SCARB1: variants seen among roughly 807,000 people sequenced by gnomAD.
The protein encoded by SCARB1 is scavenger receptor class B member 1, also known as CD36 and LIMPII analogous 1.
SCARB1 carries 30 observed loss-of-function variants against 57.2 expected under a neutral mutation model. The ratio of observed to expected loss-of-function variants is 0.52; its 90% confidence interval spans 0.39 to 0.71. The LOEUF is 0.71. SCARB1 is among the 30% of genes least tolerant of loss of function. The pLI is 0.00. For missense variants in SCARB1, 543 were observed against 671.2 expected, an observed-to-expected ratio of 0.81 and a Z score of 2.11; for synonymous variants, 249 against 268.3, an observed-to-expected ratio of 0.93 and a Z score of 0.70.
rs533279048 is a variant in SCARB1, at chr12:124,863,315, C to T, written c.126+280G>A. Among the ~76,000 whole-genome samples, 87 of 152,284 alleles carry T rather than the reference C, an allele frequency of 5.7e-4. 1 individual carries two copies. Among genetic ancestry groups the T allele is most frequent in the South Asian group, 4.6e-3 (22 of 4,828 alleles). ...CCCAGACCCTTTAGGGCGGGTCAGG[C>T]GCCCGGGTGGTCTCCCGTCCAGGCC... On this transcript the variant is annotated intron_variant, in intron 1 of 12. Transcript: ENST00000261693.
At chr12:124,850,753 A>G (rs552556168) in intron 1 of SCARB1, among the ~76,000 whole-genome samples, 48 of 152,358 alleles carry the variant, frequency 3.2e-4, no homozygotes, top group Admixed American at 2.7e-3. Context: ...AGGCCTTGGT[A>G]AACAGAATAG....
intron 7 of SCARB1, among the ~76,000 whole-genome samples, chr12:124,801,791 A>G (rs1271347386): frequency 6.6e-6 from 1 of 152,136 alleles, no homozygotes; most frequent in Non-Finnish European, 1.5e-5. Context: ...GGTTGCAGTA[A>G]GCCAAGATTG....
In SCARB1 at chr12:124,798,148, C is replaced by T. The variant is rs145510240; in HGVS notation, c.1128+1976G>A. 1.7e-3 allele frequency among the ~76,000 whole-genome samples: 257 copies of T among 152,354 alleles called. 2 individuals carry two copies. The highest frequency in any genetic ancestry group is 5.5e-3 in the African/African-American group (229 of 41,580). On this transcript the variant is annotated intron_variant, in intron 8 of 12. Transcript: ENST00000261693. ...AAATCCAGCTGGGCGCGGCGGCTCA[C>T]GCCTGGAATCCCAGCACTTTGGGAG...
In SCARB1 at chr12:124,819,209, G is replaced by A. The variant is rs377425886; in HGVS notation, c.127-1502C>T. On this transcript the variant is annotated intron_variant, in intron 1 of 12. Transcript: ENST00000261693. Reference sequence around the variant, plus strand: ...AGACCCAAAATCAAAACAGAAGGCAGTGAGGAAGGGAGCTCACAAATCTAG... The same window carrying A: ...AGACCCAAAATCAAAACAGAAGGCAATGAGGAAGGGAGCTCACAAATCTAG... Among the ~76,000 whole-genome samples the A allele has an allele frequency of 2.6e-5, 4 of 152,148 alleles. No homozygotes were observed. The East Asian group carries it at 7.7e-4, about 29-fold the overall frequency.
At chr12:124,787,079 G>A (rs1236882935) in intron 10 of SCARB1, among the ~76,000 whole-genome samples, 3 of 152,236 alleles carry the variant, frequency 2.0e-5, no homozygotes, top group Non-Finnish European at 4.4e-5. Flanking sequence ...TAAGAGAAAA[G>A]CTGACACCTT....
chr12:124,790,009 C>CAAA (rs61031862), intron 9 of SCARB1, among the ~76,000 whole-genome samples: 1 of 106,138 alleles, frequency 9.4e-6, no homozygotes, highest in African/African-American at 3.7e-5. Flanking sequence ...GACTCCGTCT[C>CAAA]AAAAAAAAAA....
At position 124,790,698 on chromosome 12, in the gene SCARB1, A is replaced by G. The variant is rs144754960; in HGVS notation, c.1203-3241T>C. Among the ~76,000 whole-genome samples, 561 of 152,350 alleles carry G rather than the reference A, an allele frequency of 3.7e-3. 3 individuals are homozygous for G. The highest frequency in any genetic ancestry group is 0.013 in the African/African-American group (545 of 41,588). On this transcript the variant is annotated intron_variant, in intron 9 of 12. Transcript: ENST00000261693. The stretch of plus-strand genomic sequence containing the variant: ...GGTGGGCTGGCTCACCACTTGCCCC[A>G]CACAGACCCCCCCACAACAGGTGTC...
chr12:124,845,367 A>C (rs550157594), intron 1 of SCARB1, among the ~76,000 whole-genome samples: 1 of 152,268 alleles, frequency 6.6e-6, no homozygotes, highest in East Asian at 1.9e-4. Flanking sequence ...GCAGCCAGGC[A>C]CTTAAGGCCA....
At chr12:124,838,211 G>A (rs1594353229) in intron 1 of SCARB1, among the ~76,000 whole-genome samples, 1 of 152,338 alleles carries the variant, frequency 6.6e-6, no homozygotes, top group East Asian at 1.9e-4. Context: ...CCCCTGCCAG[G>A]CCAGCTTCAC....
At chr12:124,784,290 T>C (rs1949431881) in intron 11 of SCARB1, 1 of 152,250 alleles carries the variant, frequency 6.6e-6, no homozygotes, top group African/African-American at 2.4e-5. Context: ...CTCGCTGGAG[T>C]CACAGCCCTG....
Position 124,863,798 on chromosome 12 carries a change from A to C in SCARB1, c.-78T>G. The C allele has an allele frequency of 7.3e-7, 1 of 1,369,280 alleles. No individual in the cohort carries two copies. Among genetic ancestry groups the C allele is most frequent in the Non-Finnish European group, 9.4e-7 (1 of 1,065,552 alleles). The allele number at this position is 1,369,280 out of a possible 1,614,324, so 84.8% of individuals were successfully genotyped here. ...AGACGGGGACGGCGACAGAGACGAC[A>C]CAGGCGGGGACTCCGGGCACGCAGG... On this transcript the variant is annotated 5_prime_UTR_variant, in exon 1 of 13. Transcript: ENST00000261693.
chr12:124,845,474 C>G (rs1952102971), intron 1 of SCARB1, among the ~76,000 whole-genome samples: 1 of 147,164 alleles, frequency 6.8e-6, no homozygotes, highest in African/African-American at 2.5e-5. Context: ...AGGTGTTTGA[C>G]CTGAGGTCAG....
chr12:124,837,534 G>GAAAGAAAAGAAAAGAAAAGAAAAGA lies in SCARB1; in HGVS notation c.127-19852_127-19828dup, dbSNP rs1183802916. On this transcript the variant is annotated intron_variant, in intron 1 of 12. Transcript: ENST00000261693. ...AAAAAGAAAAGAAAGGAAAGAAAAA[G>GAAAGAAAAGAAAAGAAAAGAAAAGA]AAAGAAAAGAAAAGAAAAGAAAAGA... Among the ~76,000 whole-genome samples the GAAAGAAAAGAAAAGAAAAGAAAAGA allele has an allele frequency of 1.9e-4, 15 of 79,426 alleles. 1 individual carries two copies. The highest frequency in any genetic ancestry group is 8.4e-4 in the African/African-American group (15 of 17,820). The allele number at this position is 79,426 out of a possible 152,430, so 52.1% of individuals were successfully genotyped here. A position where few individuals can be genotyped will look rare whatever the true frequency, so the allele number is the denominator to read the frequency against.
At chr12:124,808,363 T>C (rs369932651) in intron 6 of SCARB1, among the ~76,000 whole-genome samples, 1 of 152,214 alleles carries the variant, frequency 6.6e-6, no homozygotes, top group Admixed American at 6.5e-5. Context: ...GCTGAAAATC[T>C]GTGACCCTTT....
Position 124,800,898 on chromosome 12 carries a change from G to A in SCARB1, c.1010-656C>T, listed in dbSNP as rs535730391. 8.5e-5 allele frequency among the ~76,000 whole-genome samples: 13 copies of A among 152,302 alleles called. No homozygotes were observed. Among genetic ancestry groups the A allele is most frequent in the South Asian group, 4.1e-4 (2 of 4,828 alleles). On this transcript the variant is annotated intron_variant, in intron 7 of 12. Coordinates refer to ENST00000261693, the MANE Select transcript of SCARB1 (RefSeq NM_005505.5). This position sits in a 1 kb window ranked among gnomAD's most constrained non-coding sequence, Gnocchi z 4.8. ...GAAGGACAAGTTAACAAGGAACAGC[G>A]AGCGGGCCTCTCTCAAAAGCTCACG...
In SCARB1 at chr12:124,785,973, T is replaced by TC. The variant is rs1949496350; in HGVS notation, c.1401+383dup. On this transcript the variant is annotated intron_variant, in intron 11 of 12. Transcript: ENST00000261693. ...CGGCTGGGATGCCAGCCCCCCTCAATCCCCCTGAGCAGGGATCTCAGCTGT... is the reference window on the plus strand; with the variant it reads ...CGGCTGGGATGCCAGCCCCCCTCAATCCCCCCTGAGCAGGGATCTCAGCTGT... 3 of 1,242,900 alleles carry TC rather than the reference T, an allele frequency of 2.4e-6. No homozygotes were observed. The South Asian group carries it at 4.8e-5, about 20-fold the overall frequency. 77.0% of individuals were successfully genotyped at this position (1,242,900 alleles called of 1,614,324 possible).
intron 6 of SCARB1, among the ~76,000 whole-genome samples, chr12:124,808,623 C>G (rs1404763402): frequency 6.6e-6 from 1 of 152,162 alleles, no homozygotes; most frequent in Non-Finnish European, 1.5e-5. Context: ...GCAGCACCGT[C>G]CCCCACACCC....
Position 124,814,522 on chromosome 12 carries a change from G to A in SCARB1, c.427-117C>T, listed in dbSNP as rs1950630101. On this transcript the variant is annotated intron_variant, in intron 3 of 12. Transcript: ENST00000261693. The surrounding 1 kb of genome is among the most constrained non-coding windows in gnomAD (Gnocchi z 4.7). ...GAAGGGAAATGCTGGGGTGCAGGAG[G>A]CCCCTGGAGTGGCCACGTGGGGCAT... 8.8e-7 allele frequency: 1 copy of A among 1,141,196 alleles called. No individual in the cohort carries two copies. The highest frequency in any genetic ancestry group is 1.3e-5 in the South Asian group (1 of 77,056). The allele number at this position is 1,141,196 out of a possible 1,614,324, so 70.7% of individuals were successfully genotyped here.
At chr12:124,821,441 A>G (rs1950953545) in intron 1 of SCARB1, 27 of 985,250 alleles carry the variant, frequency 2.7e-5, no homozygotes, top group Non-Finnish European at 3.3e-5. Context: ...GGCTAAACCA[A>G]GAAGTCATGG....
Sources: gnomAD v4.1 joint callset for allele counts (sites outside exome capture counted in the v4.1 genomes callset) on GRCh38, gnomAD v4.1.1 for gene constraint, Gnocchi (gnomAD v3.1) non-coding constraint, MANE v1.5 for transcripts, NCBI Gene and HGNC (gene_info 2026-07-23, HGNC 2026-07-21) for gene names.